Variants in PCDHA7 observed in about 807,000 individuals in gnomAD.
PCDHA7 encodes protocadherin alpha 7.
In PCDHA7, 37 loss-of-function variants were observed where a neutral mutation model predicts 57.2. That is an observed-to-expected ratio of 0.65 (90% CI 0.50 to 0.85). The LOEUF (loss-of-function observed/expected upper bound fraction) is 0.85, where lower values mean the gene tolerates loss of function less well. PCDHA7 is among the 40% of genes least tolerant of loss of function. PCDHA7 has a pLI of 0.00. For missense variants in PCDHA7, 1,188 were observed against 1,241.8 expected (o/e 0.96, Z 0.65); for synonymous variants, 553 against 558.8 (o/e 0.99, Z 0.15).
At chr5:140,920,841 TAAA>T (rs781921146) in intron 1 of PCDHA7, among the ~76,000 whole-genome samples, 2 of 109,226 alleles carry the variant, frequency 1.8e-5, no homozygotes, top group Non-Finnish European at 3.9e-5. Context: ...AGACCAAATC[TAAA>T]AAAAAAAAAA....
chr5:140,906,271 T>A (rs2072508162), intron 1 of PCDHA7, among the ~76,000 whole-genome samples: 1 of 152,180 alleles, frequency 6.6e-6, no homozygotes, highest in African/African-American at 2.4e-5. Flanking sequence ...AAATTATAGA[T>A]AATCTTCAAA....
chr5:140,849,776 G>C, intron 1 of PCDHA7: 1 of 1,598,464 alleles, frequency 6.3e-7, no homozygotes, highest in Non-Finnish European at 8.6e-7. Context: ...TGGTTACCGC[G>C]CGGGACGGGG....
rs1246166621 is a variant in PCDHA7 at position 140,856,524 on chromosome 5, C to A, written c.2355+19786C>A. On this transcript the variant is annotated intron_variant, in intron 1 of 3. Coordinates refer to ENST00000525929, the MANE Select transcript of PCDHA7 (RefSeq NM_018910.3). ...TTTCCACTAGAAGGCGCATCTGATG[C>A]GGATGTTGGAGAGAACGCATTGCTT... The A allele has an allele frequency of 7.5e-6, 12 of 1,598,178 alleles. 1 individual carries two copies. The Middle Eastern group carries it at 1.2e-3, about 155-fold the overall frequency.
chr5:140,986,587 C>G (rs1194407522), intron 3 of PCDHA7, among the ~76,000 whole-genome samples: 1 of 152,208 alleles, frequency 6.6e-6, no homozygotes, highest in East Asian at 1.9e-4. Flanking sequence ...TCCAGCTCCT[C>G]TTTCTACATT....
At chr5:140,966,806 C>T in intron 1 of PCDHA7, 1 of 1,546,832 alleles carries the variant, frequency 6.5e-7, no homozygotes, top group Non-Finnish European at 8.7e-7. Context: ...GACAGAGCAT[C>T]CACGGCTCCG....
At chr5:140,942,757 T>C (rs2093364947) in intron 1 of PCDHA7, among the ~76,000 whole-genome samples, 1 of 152,174 alleles carries the variant, frequency 6.6e-6, no homozygotes, top group South Asian at 2.1e-4. Context: ...ATAAATGAGA[T>C]GGCATAATGT....
At chr5:140,882,228 T>C in intron 1 of PCDHA7, 8 of 1,564,682 alleles carry the variant, frequency 5.1e-6, no homozygotes, top group Non-Finnish European at 6.9e-6. Flanking sequence ...GGTAAGGCGT[T>C]GTATATATTG....
At chr5:140,899,228 T>G (rs1194169721) in intron 1 of PCDHA7, among the ~76,000 whole-genome samples, 1 of 152,126 alleles carries the variant, frequency 6.6e-6, no homozygotes, top group Non-Finnish European at 1.5e-5. Context: ...CAACACTATG[T>G]TGAATAGGAG....
At chr5:140,966,185 GA>G (rs1378285647) in intron 1 of PCDHA7, 4 of 197,798 alleles carry the variant, frequency 2.0e-5, no homozygotes, top group Non-Finnish European at 4.0e-5. Context: ...CTGATAGCCA[GA>G]CTTCTAGGGG....
chr5:140,867,027 C>G (rs1043288554), intron 1 of PCDHA7: 1 of 152,102 alleles, frequency 6.6e-6, no homozygotes, highest in Non-Finnish European at 1.5e-5. Flanking sequence ...ATATCAAACT[C>G]TTTTATGACT....
intron 1 of PCDHA7, among the ~76,000 whole-genome samples, chr5:140,916,814 G>A (rs1201189287): frequency 3.3e-5 from 5 of 152,112 alleles, no homozygotes; most frequent in African/African-American, 1.2e-4. Context: ...TAGGTCATGT[G>A]CCACCCCTAT....
chr5:140,869,677 C>T, intron 1 of PCDHA7: 1 of 1,613,420 alleles, frequency 6.2e-7, no homozygotes, highest in Non-Finnish European at 8.5e-7. Flanking sequence ...GATTAAAAGA[C>T]TGTCACTTAT....
chr5:140,984,243 C>T (rs781830326), intron 3 of PCDHA7, among the ~76,000 whole-genome samples: 2 of 152,246 alleles, frequency 1.3e-5, no homozygotes, highest in Non-Finnish European at 2.9e-5. Context: ...CATTGTAGGT[C>T]GACCTGGTAA....
intron 1 of PCDHA7, among the ~76,000 whole-genome samples, chr5:140,886,732 A>C (rs1457707116): frequency 3.9e-5 from 6 of 151,952 alleles, no homozygotes; most frequent in Non-Finnish European, 8.8e-5. Flanking sequence ...AGGCTGAAGC[A>C]AGAGAATTGC....
chr5:140,866,152 G>A (rs955753225), intron 1 of PCDHA7: 31 of 152,098 alleles, frequency 2.0e-4, no homozygotes, highest in African/African-American at 7.5e-4. Flanking sequence ...AGTGATATAA[G>A]TAAGAATCGT....
At chr5:140,967,820 C>A (rs1162525542) in intron 1 of PCDHA7, 29 of 1,614,052 alleles carry the variant, frequency 1.8e-5, no homozygotes, top group Non-Finnish European at 2.5e-5. Context: ...CTGCAAGGTG[C>A]TGGTGGACAT....
chr5:140,952,873 A>G (rs1554220663), intron 1 of PCDHA7, among the ~76,000 whole-genome samples: 1 of 152,168 alleles, frequency 6.6e-6, no homozygotes, highest in South Asian at 2.1e-4. Context: ...GGAAACTTAC[A>G]ATCATGGTGG....
At chr5:140,911,518 T>C (rs531265598) in intron 1 of PCDHA7, among the ~76,000 whole-genome samples, 1 of 152,346 alleles carries the variant, frequency 6.6e-6, no homozygotes, top group East Asian at 1.9e-4. Flanking sequence ...TATCTGCTTC[T>C]GAAGCTAGGA....
chr5:140,982,324 C>G, intron 2 of PCDHA7, 151 bp from the exon 3 acceptor site: 2 of 1,393,878 alleles, frequency 1.4e-6, no homozygotes, highest in East Asian at 5.1e-5. Context: ...TGCAGGGTGA[C>G]TGCTCAGCAG....
Sources: allele counts gnomAD v4.1 joint callset (sites outside exome capture counted in the v4.1 genomes callset), GRCh38; gene constraint gnomAD v4.1.1; transcripts MANE v1.5; gene names NCBI Gene and HGNC (gene_info 2026-07-23, HGNC 2026-07-21).